Variants in CNTN5 observed in about 807,000 individuals in gnomAD.
CNTN5 encodes contactin 5, also known as contactin-5.
Under a neutral mutation model 129.1 loss-of-function variants are expected in CNTN5, and 77 were observed. The ratio of observed to expected loss-of-function variants is 0.60; its 90% CI spans 0.50 to 0.72. CNTN5 has a LOEUF of 0.72. Ranked by LOEUF, CNTN5 falls within the 30% of genes least tolerant of loss-of-function variation. The pLI is 0.00. For synonymous variants in CNTN5, 509 were observed against 465.6 expected, an observed-to-expected ratio of 1.09 and a Z score of -1.20; for missense variants, 1,478 against 1,328.8, an observed-to-expected ratio of 1.11 and a Z score of -1.75.
rs1391893400 is a variant in CNTN5, at chr11:99,070,562, C to A, written c.-210+49292C>A. ...AAAGATAGATGGACCAAGAGATAGA[C>A]AAATATACTTTTACAATAAATGAGA... On this transcript the variant is annotated intron_variant, in intron 1 of 24. Transcript: ENST00000524871. Among the ~76,000 whole-genome samples the A allele has an allele frequency of 4.6e-5, 7 of 151,670 alleles. No homozygotes were observed. The East Asian group carries it at 1.2e-3, about 25-fold the overall frequency.
At chr11:100,003,959 G>A (rs1350499388) in intron 9 of CNTN5, 1 of 152,150 alleles carries the variant, frequency 6.6e-6, no homozygotes, top group African/African-American at 2.4e-5. Flanking sequence ...CCACCCTTAT[G>A]AAAATAAACA....
intron 15 of CNTN5, among the ~76,000 whole-genome samples, chr11:100,222,645 A>C (rs1395017236): frequency 6.6e-6 from 1 of 151,944 alleles, no homozygotes; most frequent in Non-Finnish European, 1.5e-5. Context: ...ATTAAAAAAC[A>C]AGCAAGCAAA....
At chr11:99,606,698 T>C (rs1366220786) in intron 3 of CNTN5, among the ~76,000 whole-genome samples, 2 of 140,102 alleles carry the variant, frequency 1.4e-5, no homozygotes, top group African/African-American at 2.6e-5. Context: ...CTTCAAACTA[T>C]ACTACAAGGC....
chr11:100,191,632 G>T (rs1325966343), intron 14 of CNTN5, among the ~76,000 whole-genome samples: 2 of 151,994 alleles, frequency 1.3e-5, no homozygotes. Context: ...ACTTCAACTA[G>T]GGATTTGGGG....
intron 3 of CNTN5, among the ~76,000 whole-genome samples, chr11:99,710,567 A>ATGTGTGTGTGTGTG (rs71050018): frequency 1.4e-5 from 2 of 140,474 alleles, no homozygotes; most frequent in South Asian, 4.6e-4. Context: ...GTGTGTGTGC[A>ATGTGTGTGTGTGTG]TGTGTGTGTG....
chr11:99,034,563 G>A (rs1181083018), intron 1 of CNTN5, among the ~76,000 whole-genome samples: 1 of 151,570 alleles, frequency 6.6e-6, no homozygotes, highest in Non-Finnish European at 1.5e-5. Context: ...GCGTAGAGGT[G>A]TTTGTAGTAT....
intron 8 of CNTN5, among the ~76,000 whole-genome samples, chr11:99,990,051 C>A (rs192369645): frequency 1.1e-4 from 17 of 152,274 alleles, no homozygotes; most frequent in Non-Finnish European, 2.2e-4. Flanking sequence ...AGGCGTGAGC[C>A]ACTGCACCTG....
intron 1 of CNTN5, among the ~76,000 whole-genome samples, chr11:99,275,270 T>C (rs958250280): frequency 6.6e-6 from 1 of 151,506 alleles, no homozygotes; most frequent in African/African-American, 2.4e-5. Context: ...CTTGTCTCCT[T>C]TCTTTAAATA....
intron 2 of CNTN5, among the ~76,000 whole-genome samples, chr11:99,426,123 A>G (rs1362816283): frequency 6.6e-6 from 1 of 152,216 alleles, no homozygotes; most frequent in East Asian, 1.9e-4. Flanking sequence ...ATATTTGACA[A>G]TGCTTCCTGT....
chr11:99,301,630 G>T (rs1337863976), intron 1 of CNTN5, among the ~76,000 whole-genome samples: 3 of 151,672 alleles, frequency 2.0e-5, no homozygotes, highest in Non-Finnish European at 4.4e-5. Flanking sequence ...CATAGACAAT[G>T]AAAAAATAGC....
intron 16 of CNTN5, among the ~76,000 whole-genome samples, chr11:100,249,452 T>A (rs1186754963): frequency 1.3e-5 from 2 of 152,178 alleles, no homozygotes; most frequent in Non-Finnish European, 2.9e-5. Flanking sequence ...CTGTGCCCAT[T>A]TTTCAAAATT....
At chr11:99,300,297 C>T (rs1316477189) in intron 1 of CNTN5, among the ~76,000 whole-genome samples, 2 of 152,094 alleles carry the variant, frequency 1.3e-5, no homozygotes, top group East Asian at 3.9e-4. Context: ...CGTTTCTTCT[C>T]ATGCCTTGTT....
chr11:100,039,912 G>A (rs542517124), intron 9 of CNTN5, among the ~76,000 whole-genome samples: 10 of 152,122 alleles, frequency 6.6e-5, no homozygotes, highest in South Asian at 2.1e-4. Context: ...CCATTGGTTC[G>A]AATTTCCTCC....
At chr11:99,750,861 A>G (rs141976818) in intron 3 of CNTN5, among the ~76,000 whole-genome samples, 4 of 152,200 alleles carry the variant, frequency 2.6e-5, no homozygotes, top group Non-Finnish European at 4.4e-5. Flanking sequence ...TGAGCAATCT[A>G]TAGCCTGGAG....
At chr11:99,385,035 A>ATGTT (rs1217658207) in intron 2 of CNTN5, among the ~76,000 whole-genome samples, 3 of 152,168 alleles carry the variant, frequency 2.0e-5, no homozygotes, top group South Asian at 2.1e-4. Flanking sequence ...CAGATAATAA[A>ATGTT]TGTTTGTTTG....
intron 2 of CNTN5, among the ~76,000 whole-genome samples, chr11:99,520,294 T>A (rs1565255015): frequency 6.6e-6 from 1 of 152,106 alleles, no homozygotes; most frequent in African/African-American, 2.4e-5. Flanking sequence ...AACACCAAAT[T>A]TGTATAGTCT....
chr11:99,659,826 G>T (rs1952530141), intron 3 of CNTN5, among the ~76,000 whole-genome samples: 1 of 152,096 alleles, frequency 6.6e-6, no homozygotes, highest in African/African-American at 2.4e-5. Flanking sequence ...TGACATATTT[G>T]ACCAAATTTG....
chr11:99,609,986 C>T (rs1950547113), intron 3 of CNTN5, among the ~76,000 whole-genome samples: 1 of 152,022 alleles, frequency 6.6e-6, no homozygotes, highest in Admixed American at 6.6e-5. Flanking sequence ...TTATTCAATC[C>T]TTATAACATG....
At chr11:100,138,200 C>T (rs1457858641) in intron 13 of CNTN5, among the ~76,000 whole-genome samples, 1 of 150,658 alleles carries the variant, frequency 6.6e-6, no homozygotes, top group Non-Finnish European at 1.5e-5. Context: ...TTTAAAAATC[C>T]AACTTGAAAT....
Sources: allele counts gnomAD v4.1 joint callset (sites outside exome capture counted in the v4.1 genomes callset), GRCh38; gene constraint gnomAD v4.1.1; transcripts MANE v1.5; gene names NCBI Gene and HGNC (gene_info 2026-07-23, HGNC 2026-07-21).